GLRA1: variants seen among roughly 807,000 people sequenced by gnomAD.
The protein encoded by GLRA1 is glycine receptor alpha 1, also known as glycine receptor subunit alpha-1.
A neutral mutation model predicts 48.3 loss-of-function variants in GLRA1; 37 were observed. The observed-to-expected ratio is 0.77, with a 90% confidence interval of 0.59 to 1.01. The LOEUF (loss-of-function observed/expected upper bound fraction) is 1.01. Ranked by LOEUF, GLRA1 falls within the 50% of genes least tolerant of loss-of-function variation. The pLI, the probability that GLRA1 is intolerant of heterozygous loss-of-function variation, is 0.00. For synonymous variants in GLRA1, 196 were observed against 210.7 expected (o/e 0.93, Z 0.60); for missense variants, 427 against 571.0 (o/e 0.75, Z 2.57).
At chr5:151,920,355 C>T (rs1360347053) in intron 1 of GLRA1, among the ~76,000 whole-genome samples, 3 of 152,194 alleles carry the variant, frequency 2.0e-5, no homozygotes, top group Admixed American at 2.0e-4. Context: ...ACTCTAGAGG[C>T]AGGAGTTCTC....
At chr5:151,901,637 G>T (rs1754370541) in intron 1 of GLRA1, among the ~76,000 whole-genome samples, 1 of 152,154 alleles carries the variant, frequency 6.6e-6, no homozygotes, top group South Asian at 2.1e-4. Flanking sequence ...GAAAGTTTTG[G>T]GGAAAAAGAT....
intron 1 of GLRA1, among the ~76,000 whole-genome samples, chr5:151,903,743 C>A (rs909830919): frequency 1.3e-5 from 2 of 152,310 alleles, no homozygotes; most frequent in South Asian, 4.1e-4. Flanking sequence ...CTACCAATGA[C>A]CAAATGCTTT....
At chr5:151,841,240 A>G (rs1192827223) in intron 7 of GLRA1, among the ~76,000 whole-genome samples, 1 of 152,142 alleles carries the variant, frequency 6.6e-6, no homozygotes, top group East Asian at 1.9e-4. Context: ...AACTCACAAC[A>G]ATAAATTAAA....
At position 151,870,462 on chromosome 5, in the gene GLRA1, G is replaced by A. The variant is rs984098444; in HGVS notation, c.253-10454C>T. The stretch of plus-strand genomic sequence containing the variant: ...GAATATGCAATGGAGGGATTTGCAT[G>A]TTCAAATCTGAGGCCTGGCATCAAT... On this transcript the variant is annotated intron_variant, in intron 3 of 8. Coordinates refer to ENST00000274576, the MANE Select transcript of GLRA1 (RefSeq NM_000171.4). Among the ~76,000 whole-genome samples the A allele has an allele frequency of 3.9e-4, 58 of 149,904 alleles. 8 individuals carry two copies. Among genetic ancestry groups the A allele is most frequent in the African/African-American group, 1.5e-3 (57 of 39,268 alleles).
At chr5:151,856,625 TCTC>T (rs1046476590) in intron 4 of GLRA1, among the ~76,000 whole-genome samples, 26 of 152,098 alleles carry the variant, frequency 1.7e-4, no homozygotes, top group African/African-American at 6.3e-4. Context: ...CTCAAGCAAT[TCTC>T]CTGCCTCAGC....
chr5:151,908,220 G>A (rs577536648), intron 1 of GLRA1, among the ~76,000 whole-genome samples: 1 of 152,326 alleles, frequency 6.6e-6, no homozygotes, highest in African/African-American at 2.4e-5. Context: ...AGGAAACATG[G>A]AGTTAGTTGC....
At position 151,859,789 on chromosome 5, in the gene GLRA1, T is replaced by C; in HGVS notation, c.472A>G (p.Ile158Val). 6.2e-7 allele frequency: 1 copy of C among 1,607,442 alleles called. No individual in the cohort carries two copies. The highest frequency in any genetic ancestry group is 1.1e-5 in the South Asian group (1 of 90,950). The part of the protein sequence containing the change: ...ISRNGNVLYS[I>V]RITLTLACPM... ...GTGAACCTGGTCAGAACTCACCTGA[T>C]GCTGTAGAGGACATTCCCATTCCGG... The change falls in exon 4 of 9, where the codon ATC becomes GTC. Residue 158 changes from isoleucine to valine, a missense_variant. Ile to Val is a conservative substitution (Grantham distance 29). Transcript: ENST00000274576.
At chr5:151,850,348 T>C in intron 7 of GLRA1, 1 of 1,461,104 alleles carries the variant, frequency 6.8e-7, no homozygotes, top group Non-Finnish European at 9.6e-7. Flanking sequence ...TGTTTCATTT[T>C]GCATCATGTA....
At chr5:151,912,202 T>G (rs2113453977) in intron 1 of GLRA1, among the ~76,000 whole-genome samples, 1 of 152,134 alleles carries the variant, frequency 6.6e-6, no homozygotes, top group African/African-American at 2.4e-5. Flanking sequence ...TTCAATACAT[T>G]TATTCAAGCA....
At chr5:151,839,328 G>A (rs956800811) in intron 7 of GLRA1, among the ~76,000 whole-genome samples, 5 of 151,454 alleles carry the variant, frequency 3.3e-5, no homozygotes, top group African/African-American at 9.7e-5. Context: ...AAAGGTAACT[G>A]CATAGGTAAA....
chr5:151,822,596 T>G lies in GLRA1; in HGVS notation c.*77A>C, dbSNP rs750142354. ...GTGTGCCCCCTCCCTCCGTTCCCCTTCTCTTCCTTAGTCTCTCAGATTCCT... is the reference window on the plus strand; with the variant it reads ...GTGTGCCCCCTCCCTCCGTTCCCCTGCTCTTCCTTAGTCTCTCAGATTCCT... On this transcript the variant is annotated 3_prime_UTR_variant, in exon 9 of 9. Transcript: ENST00000274576. The G allele has an allele frequency of 5.8e-6, 6 of 1,032,990 alleles. No homozygotes were observed. The highest frequency in any genetic ancestry group is 9.2e-6 in the Non-Finnish European group (6 of 652,726). The allele number at this position is 1,032,990 out of a possible 1,614,324, so 64.0% of individuals were successfully genotyped here.
intron 7 of GLRA1, among the ~76,000 whole-genome samples, chr5:151,836,527 G>A (rs1271525268): frequency 6.6e-6 from 1 of 152,178 alleles, no homozygotes; most frequent in Admixed American, 6.5e-5. Flanking sequence ...GAACAAAGCT[G>A]GAGGCATCAC....
At chr5:151,829,455 T>A (rs912286305) in intron 7 of GLRA1, among the ~76,000 whole-genome samples, 10 of 152,106 alleles carry the variant, frequency 6.6e-5, no homozygotes, top group Admixed American at 6.6e-4. Context: ...TCCAAAAAAT[T>A]AATGAGAACA....
intron 3 of GLRA1, among the ~76,000 whole-genome samples, chr5:151,864,566 T>C (rs1753284135): frequency 6.6e-6 from 1 of 152,212 alleles, no homozygotes; most frequent in African/African-American, 2.4e-5. Context: ...GGACAGCCAA[T>C]CCTGTGTGAG....
intron 3 of GLRA1, among the ~76,000 whole-genome samples, chr5:151,860,970 T>C (rs1753184760): frequency 1.3e-5 from 2 of 152,194 alleles, no homozygotes; most frequent in African/African-American, 2.4e-5. Flanking sequence ...AGTGAGAACA[T>C]GCGGTGTTTG....
At chr5:151,850,331 G>T in intron 7 of GLRA1, 1 of 1,541,264 alleles carries the variant, frequency 6.5e-7, no homozygotes, top group Non-Finnish European at 9.0e-7. Context: ...ATCATTTCTG[G>T]GTGGGCTGTT....
chr5:151,849,217 TCTTCCTTCCTTC>T (rs1292723314), intron 7 of GLRA1, among the ~76,000 whole-genome samples: 11 of 62,930 alleles, frequency 1.7e-4, no homozygotes, highest in Admixed American at 3.0e-4. Context: ...TTCCTTCCTT[TCTTCCTTCCTTC>T]CTTCCTTCCT....
At chr5:151,892,217 T>C (rs1754094188) in intron 2 of GLRA1, 94 bp downstream of exon 2, 4 of 1,136,952 alleles carry the variant, frequency 3.5e-6, no homozygotes, top group Non-Finnish European at 5.4e-6. Context: ...GGATTCACAC[T>C]GCGTATTTAC....
chr5:151,832,671 C>G (rs2113297620), intron 7 of GLRA1, among the ~76,000 whole-genome samples: 1 of 152,292 alleles, frequency 6.6e-6, no homozygotes, highest in South Asian at 2.1e-4. Context: ...AACCTACGTT[C>G]AGTTGGTGTA....
Sources: allele counts gnomAD v4.1 joint callset (sites outside exome capture counted in the v4.1 genomes callset), GRCh38; gene constraint gnomAD v4.1.1; transcripts MANE v1.5; gene names NCBI Gene and HGNC (gene_info 2026-07-23, HGNC 2026-07-21).